DISP1: variants seen among roughly 807,000 people sequenced by gnomAD.
The protein encoded by DISP1 is dispatched RND transporter family member 1.
A neutral mutation model predicts 37.3 loss-of-function variants in DISP1; 30 were observed. That is an observed-to-expected ratio of 0.80 (90% CI 0.60 to 1.09). DISP1 has a LOEUF of 1.09. DISP1 is among the 50% of genes least tolerant of loss of function. The pLI, the probability that DISP1 is intolerant of heterozygous loss-of-function variation, is 0.00. For synonymous variants in DISP1, 634 were observed against 690.2 expected, an observed-to-expected ratio of 0.92 and a Z score of 1.28; for missense variants, 1,598 against 1,879.5, an observed-to-expected ratio of 0.85 and a Z score of 2.77.
chr1:222,837,866 C>G (rs1194325423), intron 1 of DISP1, among the ~76,000 whole-genome samples: 1 of 152,086 alleles, frequency 6.6e-6, no homozygotes, highest in African/African-American at 2.4e-5. Flanking sequence ...AACGTTGTTT[C>G]TCACAAAGGT....
Position 222,852,237 on chromosome 1 carries a change from T to TG in DISP1, c.-159+37163dup, listed in dbSNP as rs561886671. ...AAAAAAATTCCAAATTGACAGCATT[T>TG]GGGGTTTTTTTTTTTAAAGCCTTCC... On this transcript the variant is annotated intron_variant, in intron 1 of 8. Transcript: ENST00000675850. Among the ~76,000 whole-genome samples, 116 of 134,990 alleles carry TG rather than the reference T, an allele frequency of 8.6e-4. 1 individual carries two copies. In the South Asian group the frequency reaches 0.027, roughly 32 times the overall value. 88.6% of individuals were successfully genotyped at this position (134,990 alleles called of 152,430 possible).
intron 1 of DISP1, among the ~76,000 whole-genome samples, chr1:222,842,312 T>TAA (rs764087826): frequency 0.13 from 19,200 of 146,754 alleles, 1,387 homozygotes; most frequent in South Asian, 0.25. Context: ...ACCTGTCATT[T>TAA]TAAAAAAAAA....
chr1:222,996,080 G>T (rs1193934855), intron 8 of DISP1, among the ~76,000 whole-genome samples: 1 of 152,124 alleles, frequency 6.6e-6, no homozygotes, highest in Non-Finnish European at 1.5e-5. Context: ...AATCGACTGA[G>T]GTATCAGGAT....
At chr1:222,819,811 G>A (rs1662345181) in intron 1 of DISP1, among the ~76,000 whole-genome samples, 1 of 151,920 alleles carries the variant, frequency 6.6e-6, no homozygotes, top group Non-Finnish European at 1.5e-5. Flanking sequence ...AAAGTGCTGG[G>A]ATTACAGGCA....
chr1:222,983,496 A>C (rs1677990349), intron 4 of DISP1, among the ~76,000 whole-genome samples: 1 of 152,070 alleles, frequency 6.6e-6, no homozygotes, highest in South Asian at 2.1e-4. Context: ...ACGTGCCTTT[A>C]GTTCCAGCTA....
At chr1:222,925,964 A>T (rs1042157933) in intron 1 of DISP1, among the ~76,000 whole-genome samples, 2 of 152,190 alleles carry the variant, frequency 1.3e-5, no homozygotes, top group Non-Finnish European at 2.9e-5. Flanking sequence ...TTTAAAGTAA[A>T]CATTTCAGTG....
intron 1 of DISP1, among the ~76,000 whole-genome samples, chr1:222,856,706 G>GTTTTTT (rs11441357): frequency 7.6e-6 from 1 of 132,028 alleles, no homozygotes. Flanking sequence ...ATTATAATTC[G>GTTTTTT]TTTTTTTTTT....
intron 1 of DISP1, among the ~76,000 whole-genome samples, chr1:222,873,792 A>G (rs1669738435): frequency 6.6e-6 from 1 of 152,126 alleles, no homozygotes; most frequent in South Asian, 2.1e-4. Context: ...TAGTATTGTT[A>G]TATGTGAATT....
chr1:222,815,156 G>C (rs964385895), intron 1 of DISP1, 78 bp downstream of exon 1: 1 of 152,396 alleles, frequency 6.6e-6, no homozygotes, highest in African/African-American at 2.4e-5. Context: ...CCGGCGCCGC[G>C]GGACTGGGAG....
At chr1:222,940,499 C>T (rs2125487262) in intron 2 of DISP1, among the ~76,000 whole-genome samples, 1 of 152,276 alleles carries the variant, frequency 6.6e-6, no homozygotes, top group South Asian at 2.1e-4. Flanking sequence ...CAGATCCAAA[C>T]CCTATCAGCC....
intron 4 of DISP1, among the ~76,000 whole-genome samples, chr1:222,986,757 A>G (rs890017665): frequency 6.6e-6 from 1 of 152,182 alleles, no homozygotes; most frequent in Non-Finnish European, 1.5e-5. Context: ...AGTGCCCTGT[A>G]AAGAGTTGTG....
At chr1:222,961,268 G>A (rs2789930) in intron 3 of DISP1, among the ~76,000 whole-genome samples, 147,316 of 152,342 alleles carry the variant, frequency 0.97, 71,399 homozygotes, top group East Asian at 1. Context: ...AAGCTTATCC[G>A]CCATGATCAA....
intron 1 of DISP1, among the ~76,000 whole-genome samples, chr1:222,911,148 C>G (rs1672185270): frequency 6.6e-6 from 1 of 152,098 alleles, no homozygotes; most frequent in South Asian, 2.1e-4. Context: ...TGATGATTAG[C>G]TTAGGTAATT....
At chr1:222,978,332 G>A (rs1677554866) in intron 3 of DISP1, among the ~76,000 whole-genome samples, 1 of 152,132 alleles carries the variant, frequency 6.6e-6, no homozygotes, top group Non-Finnish European at 1.5e-5. Flanking sequence ...TTTGAGAAGT[G>A]TCTGTTCATA....
chr1:222,901,632 G>T (rs1344407735), intron 1 of DISP1, among the ~76,000 whole-genome samples: 1 of 152,022 alleles, frequency 6.6e-6, no homozygotes, highest in Non-Finnish European at 1.5e-5. Flanking sequence ...GATTCAAGCG[G>T]TTCTCCTGCC....
At chr1:222,831,411 C>A (rs1336514729) in intron 1 of DISP1, among the ~76,000 whole-genome samples, 1 of 151,962 alleles carries the variant, frequency 6.6e-6, no homozygotes, top group East Asian at 1.9e-4. Flanking sequence ...ATAATAAATG[C>A]CCATGATGTA....
At position 222,839,104 on chromosome 1, in the gene DISP1, G is replaced by A. The variant is rs78809860; in HGVS notation, c.-159+24026G>A. Among the ~76,000 whole-genome samples the A allele has an allele frequency of 9.1e-3, 1,379 of 152,164 alleles. 8 individuals are homozygous for A. The highest frequency in any genetic ancestry group is 0.015 in the Non-Finnish European group (987 of 67,992). ...CTGACTCTTAATATCTATAGCAGGG[G>A]TCCCCAACTCCCAGGTTGTAGACGG... On this transcript the variant is annotated intron_variant, in intron 1 of 8. Transcript: ENST00000675850.
rs1050838461 is a variant in DISP1, at chr1:222,870,734, A to G, written c.-159+55656A>G. Among the ~76,000 whole-genome samples, 443 of 152,024 alleles carry G rather than the reference A, an allele frequency of 2.9e-3. 1 individual carries two copies. The highest frequency in any genetic ancestry group is 0.01 in the African/African-American group (428 of 41,464). ...GATTGCAAAAATTTTCTCCCATTCT[A>G]TAGGTTGCCTGTTCACTCTGATGGT... On this transcript the variant is annotated intron_variant, in intron 1 of 8. Transcript: ENST00000675850.
chr1:222,969,843 T>C (rs1406427028), intron 3 of DISP1, among the ~76,000 whole-genome samples: 1 of 152,146 alleles, frequency 6.6e-6, no homozygotes, highest in African/African-American at 2.4e-5. Context: ...TTCTTAGGCT[T>C]CAGGAAAATG....
Sources: gnomAD v4.1 joint callset for allele counts (sites outside exome capture counted in the v4.1 genomes callset) on GRCh38, gnomAD v4.1.1 for gene constraint, MANE v1.5 for transcripts, NCBI Gene and HGNC (gene_info 2026-07-23, HGNC 2026-07-21) for gene names.